Variants in CAD observed in about 807,000 individuals in gnomAD.
CAD encodes the protein carbamoyl-phosphate synthetase 2, aspartate transcarbamylase, and dihydroorotase, also known as multifunctional protein CAD.
CAD carries 81 observed loss-of-function variants against 237.2 expected under a neutral mutation model. The ratio of observed to expected loss-of-function variants is 0.34; its 90% confidence interval spans 0.29 to 0.41. CAD has a LOEUF of 0.41. Ranked by LOEUF, CAD falls within the 10% of genes least tolerant of loss-of-function variation. The pLI is 1.00. For synonymous variants in CAD, 1,196 were observed against 1,162.8 expected, an observed-to-expected ratio of 1.03 and a Z score of -0.58; for missense variants, 2,181 against 2,951.7, an observed-to-expected ratio of 0.74 and a Z score of 6.05.
intron 16 of CAD, 139 bp from the exon 17 acceptor site, chr2:27,231,841 T>C (rs1675773931): frequency 2.1e-6 from 2 of 951,248 alleles, no homozygotes; most frequent in Non-Finnish European, 3.2e-6. Context: ...AGACCCAGGA[T>C]TGGTATCCAG....
intron 2 of CAD, among the ~76,000 whole-genome samples, chr2:27,218,578 C>G (rs1256262127): frequency 6.6e-6 from 1 of 152,084 alleles, no homozygotes; most frequent in Non-Finnish European, 1.5e-5. Context: ...TGCCAGTTTA[C>G]CTACAAAACC....
chr2:27,223,836 C>T (rs1675299617), intron 7 of CAD, 81 bp from the exon 8 acceptor site: 2 of 1,548,452 alleles, frequency 1.3e-6, no homozygotes, highest in Non-Finnish European at 8.9e-7. Context: ...GATCCGAGTC[C>T]CCTGTCCCAC....
intron 31 of CAD, 107 bp downstream of exon 31, chr2:27,238,739 C>T (rs1158496900): frequency 9.3e-7 from 1 of 1,071,962 alleles, no homozygotes. Flanking sequence ...AGGACAGGGT[C>T]TTGATCCGTA....
In CAD at chr2:27,242,967, C is replaced by T. The variant is rs369443366; in HGVS notation, c.6474C>T (p.Tyr2158=). ...QKERFGSTQE[Y]EACFGQFILT... is the part of the protein sequence containing the mutation. ...AACGATTTGGCTCTACCCAGGAGTA[C>T]GAAGCTGTGAGTGCTGGGCTTGAGG... Residue 2158 remains tyrosine, a synonymous_variant, in exon 42 of 44, where the codon TAC becomes TAT. Transcript: ENST00000264705. The surrounding 1 kb of genome is among the most constrained non-coding windows in gnomAD (Gnocchi z 6.4). 17 of 1,596,644 alleles carry T rather than the reference C, an allele frequency of 1.1e-5. No individual in the cohort carries two copies. The highest frequency in any genetic ancestry group is 8.0e-5 in the African/African-American group (6 of 74,654).
At position 27,234,079 on chromosome 2, in the gene CAD, T is replaced by G. The variant is rs780318858; in HGVS notation, c.3471T>G (p.Asn1157Lys). The G allele has an allele frequency of 1.2e-6, 2 of 1,614,042 alleles. No homozygotes were observed. The highest frequency in any genetic ancestry group is 1.7e-6 in the Non-Finnish European group (2 of 1,180,032). Residue 1157 changes from asparagine (N) to lysine (K), a missense_variant, in exon 22 of 44, where the codon AAT becomes AAG. This residue lies in a region of CAD where 306 missense variants were observed against 607.9 expected (regional missense o/e 0.50). Transcript: ENST00000264705. ...AAIAISEHVE[N>K]AGVHSGDATL... ...TCGCCATCTCTGAGCATGTGGAGAATGCAGGTGTGCATTCAGGTGATGCGA... is the reference window on the plus strand; with the variant it reads ...TCGCCATCTCTGAGCATGTGGAGAAGGCAGGTGTGCATTCAGGTGATGCGA...
intron 15 of CAD, among the ~76,000 whole-genome samples, chr2:27,227,937 C>T (rs955238157): frequency 3.3e-5 from 5 of 152,170 alleles, no homozygotes; most frequent in Non-Finnish European, 5.9e-5. Flanking sequence ...CGTGTATCTA[C>T]GACTGCATAC....
rs750011728 is a variant in CAD, at chr2:27,233,692, G to A, written c.3283G>A (p.Gly1095Ser). ...CVVRPSYVLS[G>S]AAMNVAYTDG... ...GGTGCGCCCCTCCTATGTGCTGAGC[G>A]GTGCTGCTATGAATGTGGCCTACAC... Residue 1095 changes from glycine (G) to serine (S), a missense_variant, in exon 21 of 44, where the codon GGT becomes AGT. By Grantham distance (56) the Gly-to-Ser change is moderately conservative. Coordinates refer to ENST00000264705, the MANE Select transcript of CAD (RefSeq NM_004341.5). The surrounding 1 kb of genome is among the most constrained non-coding windows in gnomAD (Gnocchi z 6.3). 1.2e-6 allele frequency: 2 copies of A among 1,614,170 alleles called. No homozygotes were observed. The highest frequency in any genetic ancestry group is 1.7e-6 in the Non-Finnish European group (2 of 1,180,026).
At position 27,235,655 on chromosome 2, in the gene CAD, G is replaced by A. The variant is rs1420405614; in HGVS notation, c.4074+15G>A. 6.2e-7 allele frequency: 1 copy of A among 1,607,808 alleles called. No individual in the cohort carries two copies. Among genetic ancestry groups the A allele is most frequent in the Non-Finnish European group, 8.5e-7 (1 of 1,174,466 alleles). ...ATGGCGTCAAGGTGCAGGAACTCTG[G>A]CAACCTACCCCACTGCTGCCCTTCC... On this transcript the variant is annotated intron_variant, in intron 25 of 43. Transcript: ENST00000264705. The surrounding 1 kb of genome is among the most constrained non-coding windows in gnomAD (Gnocchi z 5.2).
rs769455530 is a variant in CAD, at chr2:27,217,646, G to T, written c.82+13G>T. The T allele has an allele frequency of 1.3e-6, 2 of 1,595,480 alleles. No homozygotes were observed. The highest frequency in any genetic ancestry group is 4.6e-5 in the East Asian group (2 of 43,536). On this transcript the variant is annotated intron_variant, in intron 1 of 43. Transcript: ENST00000264705. The stretch of plus-strand genomic sequence containing the variant: ...GCCGGGGAAGTGGGTAAGCAAGCCC[G>T]GTTAGGCTGCAGACCTTATCCCACT...
At position 27,236,631 on chromosome 2, in the gene CAD, A is replaced by G. The variant is rs958628282; in HGVS notation, c.4314+108A>G. ...ATGCTAGTAATAAAGCTTTGTGGCTACAGAGGGAGAGATGGTGGGTATAGA... is the reference window on the plus strand; with the variant it reads ...ATGCTAGTAATAAAGCTTTGTGGCTGCAGAGGGAGAGATGGTGGGTATAGA... On this transcript the variant is annotated intron_variant, in intron 26 of 43. Coordinates refer to ENST00000264705, the MANE Select transcript of CAD (RefSeq NM_004341.5). This position sits in a 1 kb window ranked among gnomAD's most constrained non-coding sequence, Gnocchi z 4.1. 2 of 1,556,900 alleles carry G rather than the reference A, an allele frequency of 1.3e-6. No homozygotes were observed. Among genetic ancestry groups the G allele is most frequent in the Non-Finnish European group, 8.8e-7 (1 of 1,132,432 alleles).
Position 27,239,073 on chromosome 2 carries a change from C to A in CAD, c.5094C>A (p.Ser1698=). 6.3e-7 allele frequency: 1 copy of A among 1,590,538 alleles called. No individual in the cohort carries two copies. The highest frequency in any genetic ancestry group is 8.6e-7 in the Non-Finnish European group (1 of 1,169,420). The change falls in exon 32 of 44, where the codon TCC becomes TCA. Residue 1698 remains serine (S), a synonymous_variant. Coordinates refer to ENST00000264705, the MANE Select transcript of CAD (RefSeq NM_004341.5). The surrounding 1 kb of genome is among the most constrained non-coding windows in gnomAD (Gnocchi z 4.0). ...ATACCTTGGAGGAGAAGTGTGGGTC[C>A]AGGCCCCCACCTGGGTTCCCAGGGT... ...APHTLEEKCG[S]RPPPGFPGLE...
Position 27,242,796 on chromosome 2 carries a change from C to T in CAD, c.6378+21C>T. On this transcript the variant is annotated intron_variant, in intron 41 of 43. Transcript: ENST00000264705. The surrounding 1 kb of genome is among the most constrained non-coding windows in gnomAD (Gnocchi z 6.4). ...AGCAGGTGAGACCCTCACAGCCCTG[C>T]CTGGAAGCCATGGAGATGTGGGTTG... The T allele has an allele frequency of 6.2e-7, 1 of 1,614,176 alleles. No homozygotes were observed. The highest frequency in any genetic ancestry group is 8.5e-7 in the Non-Finnish European group (1 of 1,180,016).
chr2:27,225,973 T>G (rs187871175), intron 12 of CAD, 47 bp downstream of exon 12: 1 of 1,581,524 alleles, frequency 6.3e-7, no homozygotes, highest in East Asian at 2.2e-5. Context: ...CAGGATGAGC[T>G]TTTGGAAGAG....
Position 27,240,092 on chromosome 2 carries a change from T to A in CAD, c.5497-173T>A. On this transcript the variant is annotated intron_variant, in intron 34 of 43. Transcript: ENST00000264705. This position sits in a 1 kb window ranked among gnomAD's most constrained non-coding sequence, Gnocchi z 4.6. ...CCCATCTCTACTAAAAATAAAAAAA[T>A]TAGCCAGGCGTGGTGGTGCACATCT... 1.6e-6 allele frequency: 1 copy of A among 636,198 alleles called. No individual in the cohort carries two copies. The highest frequency in any genetic ancestry group is 2.7e-5 in the East Asian group (1 of 36,918). 39.4% of individuals were successfully genotyped at this position (636,198 alleles called of 1,614,324 possible).
rs1174284727 is a variant in CAD, at chr2:27,235,664, C to T, written c.4074+24C>T. The stretch of plus-strand genomic sequence containing the variant: ...AGGTGCAGGAACTCTGGCAACCTAC[C>T]CCACTGCTGCCCTTCCCCAAGGGGG... On this transcript the variant is annotated intron_variant, in intron 25 of 43. Transcript: ENST00000264705. This position sits in a 1 kb window ranked among gnomAD's most constrained non-coding sequence, Gnocchi z 5.2. 6.3e-6 allele frequency: 10 copies of T among 1,584,620 alleles called. No individual in the cohort carries two copies. Among genetic ancestry groups the T allele is most frequent in the Non-Finnish European group, 7.8e-6 (9 of 1,153,730 alleles).
Position 27,239,864 on chromosome 2 carries a change from C to A in CAD, c.5496+66C>A. The A allele has an allele frequency of 8.8e-7, 1 of 1,137,098 alleles. No homozygotes were observed. 70.4% of individuals were successfully genotyped at this position (1,137,098 alleles called of 1,614,324 possible). A position where few individuals can be genotyped will look rare whatever the true frequency, so the allele number is the denominator to read the frequency against. On this transcript the variant is annotated intron_variant, in intron 34 of 43. Transcript: ENST00000264705. The surrounding 1 kb of genome is among the most constrained non-coding windows in gnomAD (Gnocchi z 4.0). ...CTCAGGGCAGGATGAACAGCTTGAA[C>A]ATTTTCATTGGTGGTTCAGGAACAA...
Position 27,217,894 on chromosome 2 carries a change from G to A in CAD, c.100G>A (p.Val34Ile). ...TCTTGCAGTGTTTCAAACCGGCATGGTCGGCTACCCCGAGGCCCTCACTGA... is the reference window on the plus strand; with the variant it reads ...TCTTGCAGTGTTTCAAACCGGCATGATCGGCTACCCCGAGGCCCTCACTGA... The part of the protein sequence containing the change: ...AGEVVFQTGM[V>I]GYPEALTDPS... Residue 34 changes from valine to isoleucine, a missense_variant, in exon 2 of 44, where the codon GTC becomes ATC. Coordinates refer to ENST00000264705, the MANE Select transcript of CAD (RefSeq NM_004341.5). The A allele has an allele frequency of 1.2e-6, 2 of 1,606,722 alleles. No individual in the cohort carries two copies. The highest frequency in any genetic ancestry group is 1.7e-6 in the Non-Finnish European group (2 of 1,176,870).
Position 27,238,149 on chromosome 2 carries a change from C to T in CAD, c.4822C>T (p.Arg1608Cys), listed in dbSNP as rs762529775. 31 of 1,614,056 alleles carry T rather than the reference C, an allele frequency of 1.9e-5. No individual in the cohort carries two copies. Among genetic ancestry groups the T allele is most frequent in the Non-Finnish European group, 2.4e-5 (28 of 1,180,048 alleles). Residue 1608 changes from arginine (R) to cysteine (C), a missense_variant, in exon 30 of 44, where the codon CGC becomes TGC. Coordinates refer to ENST00000264705, the MANE Select transcript of CAD (RefSeq NM_004341.5). ...CCTCATGGTGGCTCAGCTCACTCAG[C>T]GCTCAGTGCACATATGTCACGTGGC... ...AVLMVAQLTQ[R>C]SVHICHVARK...
chr2:27,228,127 A>G (rs1380597120), intron 15 of CAD, among the ~76,000 whole-genome samples: 7 of 152,246 alleles, frequency 4.6e-5, no homozygotes, highest in Non-Finnish European at 1.0e-4. Context: ...GTAAATAGAA[A>G]AATACACTTG....
Sources: allele counts gnomAD v4.1 joint callset (sites outside exome capture counted in the v4.1 genomes callset), GRCh38; gene constraint gnomAD v4.1.1; regional missense constraint gnomAD v4.1.1; non-coding constraint Gnocchi (gnomAD v3.1); transcripts MANE v1.5; gene names NCBI Gene and HGNC (gene_info 2026-07-23, HGNC 2026-07-21).